NTRK2: variants seen among roughly 807,000 people sequenced by gnomAD.
The protein encoded by NTRK2 is neurotrophic receptor tyrosine kinase 2.
Under a neutral mutation model 94.5 loss-of-function variants are expected in NTRK2, and 13 were observed. The ratio of observed to expected loss-of-function variants is 0.14; its 90% confidence interval spans 0.09 to 0.22. NTRK2 has a LOEUF of 0.22. NTRK2 is among the 10% of genes least tolerant of loss of function. The pLI is 1.00. For synonymous variants in NTRK2, 372 were observed against 407.4 expected (o/e 0.91, Z 1.05); for missense variants, 639 against 1,071.2 (o/e 0.60, Z 5.63).
intron 14 of NTRK2, chr9:84,874,106 C>A: frequency 9.4e-7 from 1 of 1,064,718 alleles, no homozygotes; most frequent in Non-Finnish European, 1.1e-6. Context: ...AGTGTGTGTA[C>A]CAACAGGATG....
chr9:84,967,416 G>T, intron 17 of NTRK2, among the ~76,000 whole-genome samples: 1 of 152,256 alleles, frequency 6.6e-6, no homozygotes, highest in East Asian at 1.9e-4. Flanking sequence ...GAAAAGGCTT[G>T]TGGAGAGTCA....
At chr9:84,766,872 G>A (rs1051944450) in intron 12 of NTRK2, among the ~76,000 whole-genome samples, 3 of 151,686 alleles carry the variant, frequency 2.0e-5, no homozygotes, top group African/African-American at 4.8e-5. Flanking sequence ...ACACACGTTC[G>A]ACACACACAT....
intron 12 of NTRK2, among the ~76,000 whole-genome samples, chr9:84,833,818 C>A (rs2073715593): frequency 6.6e-6 from 1 of 152,138 alleles, no homozygotes; most frequent in South Asian, 2.1e-4. Context: ...TTACCTGGAG[C>A]ACTTTTTAAA....
In NTRK2 at chr9:84,673,597, A is replaced by G. The variant is rs192369870; in HGVS notation, c.212+2637A>G. On this transcript the variant is annotated intron_variant, in intron 2 of 18. Transcript: ENST00000277120. Reference sequence around the variant, plus strand: ...AAAAATGGTGTATCTTTTAGCATCTATATATTAAACCATCATGCCCTTAGG... The same window carrying G: ...AAAAATGGTGTATCTTTTAGCATCTGTATATTAAACCATCATGCCCTTAGG... Among the ~76,000 whole-genome samples the G allele has an allele frequency of 2.4e-4, 36 of 152,322 alleles. No individual in the cohort carries two copies. In the East Asian group the frequency reaches 6.2e-3, roughly 26 times the overall value.
In NTRK2 at chr9:84,989,303, C is replaced by T. The variant is rs537257557; in HGVS notation, c.2173-30903C>T. Among the ~76,000 whole-genome samples, 5 of 152,228 alleles carry T rather than the reference C, an allele frequency of 3.3e-5. No homozygotes were observed. In the South Asian group the frequency reaches 1.0e-3, roughly 32 times the overall value. On this transcript the variant is annotated intron_variant, in intron 17 of 18. Coordinates refer to ENST00000277120, the MANE Select transcript of NTRK2 (RefSeq NM_006180.6). Reference sequence around the variant, plus strand: ...GTTGTCACCACTTCAAAATTATGTTCTTTGCTTCTTAAAATCATCCGTTCT... The same window carrying T: ...GTTGTCACCACTTCAAAATTATGTTTTTTGCTTCTTAAAATCATCCGTTCT...
chr9:84,923,403 G>A (rs1041278607), intron 14 of NTRK2, among the ~76,000 whole-genome samples: 1 of 152,048 alleles, frequency 6.6e-6, no homozygotes, highest in Non-Finnish European at 1.5e-5. Flanking sequence ...ACCTATTCCT[G>A]TGCCATCATT....
intron 2 of NTRK2, among the ~76,000 whole-genome samples, chr9:84,695,065 A>AC (rs1458823426): frequency 2.1e-5 from 3 of 142,400 alleles, no homozygotes; most frequent in Non-Finnish European, 4.6e-5. Flanking sequence ...AAAAAAAAAA[A>AC]AAAAAAAAAC....
intron 14 of NTRK2, among the ~76,000 whole-genome samples, chr9:84,895,559 G>A (rs2076732399): frequency 6.6e-6 from 1 of 152,174 alleles, no homozygotes; most frequent in South Asian, 2.1e-4. Flanking sequence ...GGCTCCTTTA[G>A]CTTCTTGGTA....
chr9:84,720,646 A>G (rs2061999721), intron 6 of NTRK2, among the ~76,000 whole-genome samples: 1 of 152,234 alleles, frequency 6.6e-6, no homozygotes, highest in Non-Finnish European at 1.5e-5. Context: ...TGAAAGATAA[A>G]CACAAAAGCA....
chr9:84,741,707 G>A (rs542687328), intron 9 of NTRK2, among the ~76,000 whole-genome samples, 185 bp from the exon 10 acceptor site: 3 of 152,294 alleles, frequency 2.0e-5, no homozygotes, highest in South Asian at 4.1e-4. Flanking sequence ...GGAGAACCGG[G>A]GAGGGGAACG....
At chr9:84,905,995 C>A (rs374048968) in intron 14 of NTRK2, among the ~76,000 whole-genome samples, 2 of 152,106 alleles carry the variant, frequency 1.3e-5, no homozygotes, top group Admixed American at 6.5e-5. Flanking sequence ...CTTGGGGCAG[C>A]AGAATGTGAA....
intron 6 of NTRK2, among the ~76,000 whole-genome samples, chr9:84,719,204 A>G (rs1160515978): frequency 2.6e-5 from 4 of 152,156 alleles, no homozygotes; most frequent in Admixed American, 2.6e-4. Flanking sequence ...CTAGGTCTAT[A>G]TGTACTCGGA....
At chr9:84,769,984 A>G (rs7025789) in intron 12 of NTRK2, among the ~76,000 whole-genome samples, 101,782 of 151,960 alleles carry the variant, frequency 0.67, 34,614 homozygotes, top group East Asian at 0.73. Flanking sequence ...TCATATTGCA[A>G]CTGTCGTCAG....
chr9:84,942,218 A>G (rs967892479), intron 15 of NTRK2, among the ~76,000 whole-genome samples: 1 of 152,170 alleles, frequency 6.6e-6, no homozygotes, highest in Non-Finnish European at 1.5e-5. Context: ...CACTCTCTCT[A>G]GTTTCTAAGA....
rs191326365 is a variant in NTRK2 at position 84,739,276 on chromosome 9, C to G, written c.1160-2616C>G. On this transcript the variant is annotated intron_variant, in intron 9 of 18. Coordinates refer to ENST00000277120, the MANE Select transcript of NTRK2 (RefSeq NM_006180.6). ...ATGTTGCCCAGGCTGGTCTTGAACT[C>G]CTGAGCTAAGATGATCTGCCCGCCT... Among the ~76,000 whole-genome samples the G allele has an allele frequency of 1.6e-3, 240 of 152,290 alleles. 1 individual carries two copies. Among genetic ancestry groups the G allele is most frequent in the Non-Finnish European group, 2.3e-3 (157 of 68,026 alleles).
At chr9:84,962,375 G>C (rs559722145) in intron 17 of NTRK2, among the ~76,000 whole-genome samples, 1 of 152,230 alleles carries the variant, frequency 6.6e-6, no homozygotes, top group East Asian at 1.9e-4. Context: ...TTTAACAAAG[G>C]CTATAGAAAC....
chr9:84,987,535 A>C (rs1217565114), intron 17 of NTRK2, among the ~76,000 whole-genome samples: 1 of 152,172 alleles, frequency 6.6e-6, no homozygotes, highest in Admixed American at 6.5e-5. Flanking sequence ...TTAAAGTTTG[A>C]TGATTCATTT....
At chr9:84,765,502 G>A (rs1033223861) in intron 12 of NTRK2, among the ~76,000 whole-genome samples, 2 of 152,150 alleles carry the variant, frequency 1.3e-5, no homozygotes, top group Non-Finnish European at 2.9e-5. Context: ...TGAGGATGGT[G>A]GGCCCAGAGA....
chr9:84,803,894 A>G (rs2070791244), intron 12 of NTRK2, among the ~76,000 whole-genome samples: 1 of 152,140 alleles, frequency 6.6e-6, no homozygotes, highest in African/African-American at 2.4e-5. Context: ...AGGTACCTGT[A>G]TTCAAGTGAG....
Sources: allele counts gnomAD v4.1 joint callset (sites outside exome capture counted in the v4.1 genomes callset), GRCh38; gene constraint gnomAD v4.1.1; transcripts MANE v1.5; gene names NCBI Gene and HGNC (gene_info 2026-07-23, HGNC 2026-07-21).